The following LPP variants were observed in gnomAD, a reference collection of about 807,000 sequenced individuals.
The protein encoded by LPP is lipoma-preferred partner.
A neutral mutation model predicts 60.4 loss-of-function variants in LPP; 38 were observed. That is an observed-to-expected ratio of 0.63 (90% CI 0.49 to 0.83). LPP has a LOEUF of 0.83. Ranked by LOEUF, LPP falls within the 40% of genes least tolerant of loss-of-function variation. The pLI, the probability that LPP is intolerant of heterozygous loss-of-function variation, is 0.00. For synonymous variants in LPP, 328 were observed against 290.8 expected, an observed-to-expected ratio of 1.13 and a Z score of -1.30; for missense variants, 902 against 783.6, an observed-to-expected ratio of 1.15 and a Z score of -1.80.
chr3:188,240,221 A>G (rs534472400), intron 2 of LPP: 1 of 177,702 alleles, frequency 5.6e-6, no homozygotes, highest in African/African-American at 2.4e-5. Flanking sequence ...AAACTAATTT[A>G]AAAATCCTTT....
intron 9 of LPP, among the ~76,000 whole-genome samples, chr3:188,805,175 G>A (rs1350878161): frequency 6.6e-6 from 1 of 151,898 alleles, no homozygotes; most frequent in East Asian, 1.9e-4. Flanking sequence ...TAATATATTT[G>A]ACTAGATTTG....
intron 4 of LPP, among the ~76,000 whole-genome samples, chr3:188,444,242 TA>T (rs145776137): frequency 0.28 from 42,867 of 151,994 alleles, 6,282 homozygotes; most frequent in African/African-American, 0.3. Flanking sequence ...CTTTTTCTAA[TA>T]ATACAAATAA....
At chr3:188,644,528 A>C (rs1156634420) in intron 7 of LPP, among the ~76,000 whole-genome samples, 1 of 152,202 alleles carries the variant, frequency 6.6e-6, no homozygotes, top group Non-Finnish European at 1.5e-5. Context: ...TTAGTATAAC[A>C]AAAAAGTATA....
intron 3 of LPP, among the ~76,000 whole-genome samples, chr3:188,344,876 T>C (rs568864157): frequency 3.4e-4 from 52 of 152,112 alleles, no homozygotes; most frequent in African/African-American, 1.2e-3. Context: ...CTGATCTGGG[T>C]CTTATGAGAG....
At chr3:188,805,706 T>G (rs1748914299) in intron 9 of LPP, among the ~76,000 whole-genome samples, 1 of 151,880 alleles carries the variant, frequency 6.6e-6, no homozygotes, top group Admixed American at 6.6e-5. Context: ...GTTGAGATCT[T>G]TTGTTTTTTT....
chr3:188,719,833 GA>G (rs370063677), intron 8 of LPP, among the ~76,000 whole-genome samples: 6 of 152,320 alleles, frequency 3.9e-5, no homozygotes, highest in African/African-American at 1.4e-4. Flanking sequence ...AGGATTGTCA[GA>G]AGGCATAATT....
intron 5 of LPP, among the ~76,000 whole-genome samples, chr3:188,518,097 G>A (rs950369937): frequency 2.0e-5 from 3 of 152,064 alleles, no homozygotes; most frequent in South Asian, 4.1e-4. Flanking sequence ...TACAGCCTGC[G>A]GAACCATGAG....
chr3:188,403,341 G>T (rs1037854114), intron 3 of LPP, among the ~76,000 whole-genome samples: 3 of 152,098 alleles, frequency 2.0e-5, no homozygotes, highest in Non-Finnish European at 2.9e-5. Context: ...TGAAAAATGT[G>T]AATCTTTGCT....
intron 7 of LPP, among the ~76,000 whole-genome samples, chr3:188,691,455 C>T (rs1033868363): frequency 6.6e-6 from 1 of 152,184 alleles, no homozygotes; most frequent in South Asian, 2.1e-4. Context: ...TGGAGTAAGG[C>T]CTGGCCCAAA....
chr3:188,599,218 G>A (rs1403519994), intron 6 of LPP, among the ~76,000 whole-genome samples: 2 of 152,102 alleles, frequency 1.3e-5, no homozygotes, highest in African/African-American at 2.4e-5. Context: ...GACCTCTCAA[G>A]TTCAAAACCG....
At chr3:188,293,099 G>T (rs907729871) in intron 2 of LPP, among the ~76,000 whole-genome samples, 2 of 152,148 alleles carry the variant, frequency 1.3e-5, no homozygotes, top group Non-Finnish European at 2.9e-5. Flanking sequence ...ATTTGAGCTG[G>T]CATTGACTCA....
At chr3:188,756,619 A>C (rs915278228) in intron 8 of LPP, among the ~76,000 whole-genome samples, 1 of 152,166 alleles carries the variant, frequency 6.6e-6, no homozygotes, top group Admixed American at 6.5e-5. Flanking sequence ...ACAGTTTGTA[A>C]ATGTTTGTTC....
intron 1 of LPP, among the ~76,000 whole-genome samples, chr3:188,224,098 C>T (rs1716826215): frequency 6.6e-6 from 1 of 152,072 alleles, no homozygotes; most frequent in Non-Finnish European, 1.5e-5. Context: ...CTCATGTGAC[C>T]AAGCACAAGT....
intron 1 of LPP, among the ~76,000 whole-genome samples, chr3:188,220,575 T>G (rs1330980674): frequency 6.6e-6 from 1 of 152,200 alleles, no homozygotes; most frequent in Non-Finnish European, 1.5e-5. Context: ...TCTGTGATGT[T>G]GAGCTTCAGG....
chr3:188,605,606 C>T (rs990197180), intron 6 of LPP, among the ~76,000 whole-genome samples: 8 of 152,052 alleles, frequency 5.3e-5, no homozygotes, highest in Non-Finnish European at 8.8e-5. Flanking sequence ...GAAGGTATAT[C>T]AAGTTGTGGC....
At chr3:188,443,366 G>GT (rs1794492905) in intron 4 of LPP, among the ~76,000 whole-genome samples, 1 of 152,198 alleles carries the variant, frequency 6.6e-6, no homozygotes, top group Non-Finnish European at 1.5e-5. Context: ...TATTGGCTTG[G>GT]TTTTGAGGCC....
At chr3:188,448,125 G>C (rs1216779603) in intron 4 of LPP, among the ~76,000 whole-genome samples, 2 of 152,148 alleles carry the variant, frequency 1.3e-5, no homozygotes, top group African/African-American at 4.8e-5. Flanking sequence ...TTAGGGCTCT[G>C]TAATTCAAAA....
chr3:188,608,552 A>G (rs181812949), intron 6 of LPP, among the ~76,000 whole-genome samples: 20 of 152,220 alleles, frequency 1.3e-4, no homozygotes, highest in Admixed American at 7.2e-4. Context: ...TGCCAGTACC[A>G]TACTGTTTTG....
intron 6 of LPP, among the ~76,000 whole-genome samples, chr3:188,599,409 T>A (rs546696707): frequency 6.6e-6 from 1 of 152,256 alleles, no homozygotes; most frequent in South Asian, 2.1e-4. Flanking sequence ...CAAGGTAGCA[T>A]CTGGGTGCTC....
Sources: gnomAD v4.1 joint callset for allele counts (sites outside exome capture counted in the v4.1 genomes callset) on GRCh38, gnomAD v4.1.1 for gene constraint, MANE v1.5 for transcripts, NCBI Gene and HGNC (gene_info 2026-07-23, HGNC 2026-07-21) for gene names.